Variants in CARS1 observed in about 807,000 individuals in gnomAD.
CARS1 encodes cysteine--tRNA ligase, cytoplasmic.
A neutral mutation model predicts 106.2 loss-of-function variants in CARS1; 48 were observed. The observed-to-expected ratio is 0.45, with a 90% CI of 0.36 to 0.57. The LOEUF (loss-of-function observed/expected upper bound fraction) is 0.57. Among genes scored for constraint, CARS1 ranks in the 20% least tolerant of loss-of-function variants. CARS1 has a pLI of 0.00. For synonymous variants in CARS1, 409 were observed against 403.4 expected, an observed-to-expected ratio of 1.01 and a Z score of -0.17; for missense variants, 968 against 1,057.2, an observed-to-expected ratio of 0.92 and a Z score of 1.17.
At chr11:3,013,278 G>A (rs1443255742) in intron 17 of CARS1, among the ~76,000 whole-genome samples, 3 of 151,772 alleles carry the variant, frequency 2.0e-5, no homozygotes, top group East Asian at 2.0e-4. Flanking sequence ...TCAGCCTCCC[G>A]CGTAGCTGGG....
chr11:3,012,314 C>G, intron 17 of CARS1, 38 bp from the exon 18 acceptor site: 1 of 1,549,856 alleles, frequency 6.5e-7, no homozygotes, highest in Non-Finnish European at 8.9e-7. Flanking sequence ...GAGAGCTGCT[C>G]ACACTCCCAT....
In CARS1 at chr11:3,037,117, G is replaced by A. The variant is rs777534310; in HGVS notation, c.801+933C>T. On this transcript the variant is annotated intron_variant, in intron 7 of 22. Coordinates refer to ENST00000380525, the MANE Select transcript of CARS1 (RefSeq NM_001014437.3). The surrounding 1 kb of genome is among the most constrained non-coding windows in gnomAD (Gnocchi z 5.9). ...TCCCAGGAGAACAGACAAACAGCTCGGCTCCCAGGCAGGCACTGAGGCAGT... is the reference window on the plus strand; with the variant it reads ...TCCCAGGAGAACAGACAAACAGCTCAGCTCCCAGGCAGGCACTGAGGCAGT... Among the ~76,000 whole-genome samples the A allele has an allele frequency of 2.0e-5, 3 of 152,176 alleles. No individual in the cohort carries two copies. Among genetic ancestry groups the A allele is most frequent in the Non-Finnish European group, 4.4e-5 (3 of 68,024 alleles).
intron 17 of CARS1, 45 bp downstream of exon 17, chr11:3,015,736 G>C: frequency 6.5e-7 from 1 of 1,535,806 alleles, no homozygotes. Context: ...GGTAGGGAGT[G>C]GGGAGGGAGC....
In CARS1 at chr11:3,018,356, C is replaced by T. The variant is rs1851245046; in HGVS notation, c.1629+52G>A. ...CTATCACCACTGCACAAGGTGCCCA[C>T]TGTGCAGGGGAGGCTGCTCCACCAA... is the stretch of plus-strand genomic sequence containing the variant. On this transcript the variant is annotated intron_variant, in intron 14 of 22. Coordinates refer to ENST00000380525, the MANE Select transcript of CARS1 (RefSeq NM_001014437.3). The T allele has an allele frequency of 5.8e-6, 7 of 1,213,698 alleles. No homozygotes were observed. In the South Asian group the frequency reaches 7.5e-5, roughly 13 times the overall value. The allele number at this position is 1,213,698 out of a possible 1,614,324, so 75.2% of individuals were successfully genotyped here. A position where few individuals can be genotyped will look rare whatever the true frequency, so the allele number is the denominator to read the frequency against.
Position 3,057,373 on chromosome 11 carries a change from G to C in CARS1, c.-6C>G, listed in dbSNP as rs1856325888. The C allele has an allele frequency of 2.5e-6, 4 of 1,610,280 alleles. No homozygotes were observed. In the East Asian group the frequency reaches 8.9e-5, roughly 36 times the overall value. ...TGCCCGGAGGAATCTGCCATGGCTG[G>C]GAATCCCGGACCCGCAGCTGCGGCT... is the stretch of plus-strand genomic sequence containing the variant. On this transcript the variant is annotated 5_prime_UTR_variant, in exon 1 of 23. Transcript: ENST00000380525.
intron 10 of CARS1, among the ~76,000 whole-genome samples, chr11:3,023,028 C>T (rs538354951): frequency 1.9e-4 from 29 of 152,134 alleles, no homozygotes; most frequent in Admixed American, 1.0e-3. Context: ...TGCATATTGG[C>T]TGTTAGATTC....
chr11:3,002,980 G>A (rs1033833166), intron 20 of CARS1, among the ~76,000 whole-genome samples: 1 of 152,212 alleles, frequency 6.6e-6, no homozygotes, highest in African/African-American at 2.4e-5. Context: ...CACTGTGAGG[G>A]TTATCCTGAG....
rs757874680 is a variant in CARS1, at chr11:3,051,303, G to T, written c.26-3302C>A. Among the ~76,000 whole-genome samples, 7 of 152,332 alleles carry T rather than the reference G, an allele frequency of 4.6e-5. No individual in the cohort carries two copies. The South Asian group carries it at 8.3e-4, about 18-fold the overall frequency. ...CTCTGGCCCCACTGAAGGCGCCTGGGGGGTGCCGGGAGCTCTTGAGGGCCT... is the reference window on the plus strand; with the variant it reads ...CTCTGGCCCCACTGAAGGCGCCTGGTGGGTGCCGGGAGCTCTTGAGGGCCT... On this transcript the variant is annotated intron_variant, in intron 1 of 22. Coordinates refer to ENST00000380525, the MANE Select transcript of CARS1 (RefSeq NM_001014437.3).
In CARS1 at chr11:3,044,189, C is replaced by A. The variant is rs1346704410; in HGVS notation, c.275-1933G>T. On this transcript the variant is annotated intron_variant, in intron 2 of 22. Transcript: ENST00000380525. The surrounding 1 kb of genome is among the most constrained non-coding windows in gnomAD (Gnocchi z 4.4). Reference sequence around the variant, plus strand: ...GCCCAGAAACACAGCCATGAGGCCACGGGATCATCACACTCACCCTGCTAT... The same window carrying A: ...GCCCAGAAACACAGCCATGAGGCCAAGGGATCATCACACTCACCCTGCTAT... Among the ~76,000 whole-genome samples, 2 of 152,162 alleles carry A rather than the reference C, an allele frequency of 1.3e-5. No individual in the cohort carries two copies. The highest frequency in any genetic ancestry group is 2.9e-5 in the Non-Finnish European group (2 of 68,036).
chr11:3,016,931 G>A (rs1276700359), intron 16 of CARS1, among the ~76,000 whole-genome samples, 175 bp downstream of exon 16: 15 of 152,116 alleles, frequency 9.9e-5, no homozygotes, highest in Non-Finnish European at 1.5e-4. Context: ...TATTTCTAAC[G>A]CGTGAAAAGC....
chr11:3,017,366 G>A lies in CARS1; in HGVS notation c.1728-71C>T. ...ACCATAGAAATTCCCCATGTGGCCA[G>A]GCGCAGTGGCTCACGCCTATAATCC... On this transcript the variant is annotated intron_variant, in intron 15 of 22. Transcript: ENST00000380525. This position sits in a 1 kb window ranked among gnomAD's most constrained non-coding sequence, Gnocchi z 4.9. 1.4e-6 allele frequency: 2 copies of A among 1,390,618 alleles called. No homozygotes were observed. Among genetic ancestry groups the A allele is most frequent in the Non-Finnish European group, 2.0e-6 (2 of 992,736 alleles). 86.1% of individuals were successfully genotyped at this position (1,390,618 alleles called of 1,614,324 possible).
intron 1 of CARS1, among the ~76,000 whole-genome samples, chr11:3,054,293 T>C (rs1166150321): frequency 6.6e-6 from 1 of 151,528 alleles, no homozygotes; most frequent in Non-Finnish European, 1.5e-5. Flanking sequence ...GGGAGGGAGG[T>C]TATTCATTAT....
Position 3,017,816 on chromosome 11 carries a change from T to C in CARS1, c.1727+41A>G, listed in dbSNP as rs757452508. 3.7e-6 allele frequency: 5 copies of C among 1,355,210 alleles called. No individual in the cohort carries two copies. The highest frequency in any genetic ancestry group is 3.5e-5 in the South Asian group (3 of 85,380). 83.9% of individuals were successfully genotyped at this position (1,355,210 alleles called of 1,614,324 possible). A position where few individuals can be genotyped will look rare whatever the true frequency, so the allele number is the denominator to read the frequency against. On this transcript the variant is annotated intron_variant, in intron 15 of 22. Coordinates refer to ENST00000380525, the MANE Select transcript of CARS1 (RefSeq NM_001014437.3). The surrounding 1 kb of genome is among the most constrained non-coding windows in gnomAD (Gnocchi z 4.9). ...AAGATGCGAGGCTAGGCATAGAACA[T>C]GGGCATGCTCAAAAACCCCAAAGAA...
At chr11:3,056,024 G>A (rs896380989) in intron 1 of CARS1, among the ~76,000 whole-genome samples, 36 of 152,320 alleles carry the variant, frequency 2.4e-4, no homozygotes, top group African/African-American at 8.2e-4. Context: ...GCTCTGGGAC[G>A]GGTGGAGATG....
In CARS1 at chr11:3,028,255, C is replaced by A. The variant is rs138266176; in HGVS notation, c.1031+741G>T. 83 of 464,538 alleles carry A rather than the reference C, an allele frequency of 1.8e-4. No homozygotes were observed. Among genetic ancestry groups the A allele is most frequent in the Non-Finnish European group, 8.1e-6 (2 of 248,172 alleles). The allele number at this position is 464,538 out of a possible 1,614,324, so 28.8% of individuals were successfully genotyped here. A position where few individuals can be genotyped will look rare whatever the true frequency, so the allele number is the denominator to read the frequency against. On this transcript the variant is annotated intron_variant, in intron 9 of 22. Coordinates refer to ENST00000380525, the MANE Select transcript of CARS1 (RefSeq NM_001014437.3). The surrounding 1 kb of genome is among the most constrained non-coding windows in gnomAD (Gnocchi z 4.4). ...ATGGCTCACTCTCCTTAACCTACCC[C>A]TTTGTCTTGTATCCAATAAATATCA... is the stretch of plus-strand genomic sequence containing the variant.
At chr11:3,002,417 G>C in intron 21 of CARS1, 124 bp downstream of exon 21, 2 of 1,515,784 alleles carry the variant, frequency 1.3e-6, no homozygotes, top group Non-Finnish European at 8.9e-7. Context: ...AGAAAGCGGA[G>C]CTCCTTCTGT....
chr11:3,022,907 G>A lies in CARS1; in HGVS notation c.1154-2575C>T, dbSNP rs1381270393. ...GGAGCACATGACTGCACAGAGCTAA[G>A]GCTACACTCCTTATGACTCCCCATG... is the stretch of plus-strand genomic sequence containing the variant. On this transcript the variant is annotated intron_variant, in intron 10 of 22. Coordinates refer to ENST00000380525, the MANE Select transcript of CARS1 (RefSeq NM_001014437.3). This position sits in a 1 kb window ranked among gnomAD's most constrained non-coding sequence, Gnocchi z 4.9. Among the ~76,000 whole-genome samples the A allele has an allele frequency of 1.3e-5, 2 of 152,170 alleles. No individual in the cohort carries two copies. The highest frequency in any genetic ancestry group is 2.4e-5 in the African/African-American group (1 of 41,426).
At chr11:3,055,258 T>A (rs1856084796) in intron 1 of CARS1, among the ~76,000 whole-genome samples, 1 of 152,208 alleles carries the variant, frequency 6.6e-6, no homozygotes, top group South Asian at 2.1e-4. Flanking sequence ...CCTCCTGGGT[T>A]CACATCATTC....
chr11:3,023,261 C>CAGT lies in CARS1; in HGVS notation c.1154-2932_1154-2930dup, dbSNP rs879356978. 3.3e-5 allele frequency among the ~76,000 whole-genome samples: 5 copies of CAGT among 152,162 alleles called. No homozygotes were observed. The East Asian group carries it at 5.8e-4, about 18-fold the overall frequency. On this transcript the variant is annotated intron_variant, in intron 10 of 22. Transcript: ENST00000380525. ...CACTCCCACCTTTCCCATGTGCTGC[C>CAGT]AGTTCCCTCCCGGCATCTAAGTGTC...
Sources: gnomAD v4.1 joint callset for allele counts (sites outside exome capture counted in the v4.1 genomes callset) on GRCh38, gnomAD v4.1.1 for gene constraint, Gnocchi (gnomAD v3.1) non-coding constraint, MANE v1.5 for transcripts, NCBI Gene and HGNC (gene_info 2026-07-23, HGNC 2026-07-21) for gene names.